Variants in COL5A1 observed in about 807,000 individuals in gnomAD.
The protein encoded by COL5A1 is collagen type V alpha 1 chain.
COL5A1 carries 16 observed loss-of-function variants against 263.7 expected under a neutral mutation model. The observed-to-expected ratio is 0.06, with a 90% confidence interval of 0.04 to 0.09. COL5A1 has a LOEUF of 0.09. Among genes scored for constraint, COL5A1 ranks in the 10% least tolerant of loss-of-function variants. COL5A1 has a pLI of 1.00. For missense variants in COL5A1, 2,036 were observed against 2,540.5 expected, an observed-to-expected ratio of 0.80 and a Z score of 4.27; for synonymous variants, 1,012 against 1,004.5, an observed-to-expected ratio of 1.01 and a Z score of -0.14.
intron 11 of COL5A1, among the ~76,000 whole-genome samples, chr9:134,746,086 C>T (rs1040833895): frequency 1.3e-5 from 2 of 152,190 alleles, no homozygotes; most frequent in African/African-American, 4.8e-5. Flanking sequence ...TGTTTCAGGA[C>T]CTGGATGTAC....
intron 1 of COL5A1, among the ~76,000 whole-genome samples, chr9:134,679,915 C>T (rs10458324): frequency 0.011 from 1,621 of 152,066 alleles, 9 homozygotes; most frequent in Middle Eastern, 0.037. Flanking sequence ...TGCCCAGGAC[C>T]ATGGGGCTTG....
rs1336672946 is a variant in COL5A1 at position 134,829,279 on chromosome 9, CAT to C, written c.5068-696_5068-695del. On this transcript the variant is annotated intron_variant, in intron 63 of 65. Coordinates refer to ENST00000371817, the MANE Select transcript of COL5A1 (RefSeq NM_000093.5). ...TGGAGGGCTGGGGCCAGGCTCCTCA[CAT>C]GGCCTCCAGTCTCTCCGAGGGCTGG... is the stretch of plus-strand genomic sequence containing the variant. 1.0e-3 allele frequency among the ~76,000 whole-genome samples: 154 copies of C among 150,360 alleles called. 1 individual carries two copies. Among genetic ancestry groups the C allele is most frequent in the African/African-American group, 3.5e-3 (143 of 40,698 alleles).
At chr9:134,690,882 G>A in intron 1 of COL5A1, 30 bp from the exon 2 acceptor site, 1 of 1,613,048 alleles carries the variant, frequency 6.2e-7, no homozygotes, top group Non-Finnish European at 8.5e-7. Flanking sequence ...CCTCTCCGTG[G>A]CTAACTCTGC....
intron 2 of COL5A1, among the ~76,000 whole-genome samples, chr9:134,697,989 C>G (rs1314721346): frequency 2.0e-5 from 3 of 152,094 alleles, no homozygotes; most frequent in Non-Finnish European, 4.4e-5. Context: ...GAGGCTGAGG[C>G]AAGAGAATTA....
intron 24 of COL5A1, 43 bp downstream of exon 24, chr9:134,767,397 A>G (rs1244310496): frequency 6.3e-7 from 1 of 1,597,276 alleles, no homozygotes; most frequent in African/African-American, 1.3e-5. Context: ...GCCCGCCTGC[A>G]GGTGGATTCC....
chr9:134,702,851 A>G (rs971675313), intron 4 of COL5A1, among the ~76,000 whole-genome samples: 7 of 152,140 alleles, frequency 4.6e-5, no homozygotes, highest in African/African-American at 1.7e-4. Context: ...GTAAAATGGG[A>G]TCACAGATGT....
In COL5A1 at chr9:134,699,924, A is replaced by G. The variant is rs1447874558; in HGVS notation, c.293A>G (p.Glu98Gly). 1 of 1,613,874 alleles carries G rather than the reference A, an allele frequency of 6.2e-7. No homozygotes were observed. Among genetic ancestry groups the G allele is most frequent in the East Asian group, 2.2e-5 (1 of 44,888 alleles). Reference protein sequence around the residue: ...KQLYPASAFPEDFSILTTVKA... With the variant: ...KQLYPASAFPGDFSILTTVKA... ...TCTGTTCCAGCGTCTGCATTTCCCGAGGACTTCTCCATCCTAACAACTGTG... is the reference window on the plus strand; with the variant it reads ...TCTGTTCCAGCGTCTGCATTTCCCGGGGACTTCTCCATCCTAACAACTGTG... The change falls in exon 3 of 66, where the codon GAG (glutamate) becomes GGG (glycine). Residue 98 changes from glutamate to glycine, a missense_variant. By Grantham distance (98) the Glu-to-Gly change is moderately conservative. Coordinates refer to ENST00000371817, the MANE Select transcript of COL5A1 (RefSeq NM_000093.5).
In COL5A1 at chr9:134,842,748, T is replaced by C; in HGVS notation, c.*445T>C. On this transcript the variant is annotated 3_prime_UTR_variant, in exon 66 of 66. Coordinates refer to ENST00000371817, the MANE Select transcript of COL5A1 (RefSeq NM_000093.5). The surrounding 1 kb of genome is among the most constrained non-coding windows in gnomAD (Gnocchi z 5.8). The stretch of plus-strand genomic sequence containing the variant: ...TTCAAAAAATGTTCCAAGGTAAGCC[T>C]CGTAAAGGTCATCCCACCATCACCA... The C allele has an allele frequency of 4.5e-6, 1 of 220,528 alleles. No individual in the cohort carries two copies. 13.7% of individuals were successfully genotyped at this position (220,528 alleles called of 1,614,324 possible). A position where few individuals can be genotyped will look rare whatever the true frequency, so the allele number is the denominator to read the frequency against.
At chr9:134,795,899 TC>T (rs1404303222) in intron 34 of COL5A1, among the ~76,000 whole-genome samples, 14 of 152,056 alleles carry the variant, frequency 9.2e-5, no homozygotes, top group Non-Finnish European at 5.9e-5. Flanking sequence ...AGCTGGCCCG[TC>T]CCTCGGCTGA....
In COL5A1 at chr9:134,794,151, C is replaced by A. The variant is rs1170981485; in HGVS notation, c.2701-931C>A. On this transcript the variant is annotated intron_variant, in intron 32 of 65. Coordinates refer to ENST00000371817, the MANE Select transcript of COL5A1 (RefSeq NM_000093.5). The surrounding 1 kb of genome is among the most constrained non-coding windows in gnomAD (Gnocchi z 4.3). ...GACCATCCTTGCCAACATGGTGAAA[C>A]CCTGTCTCTACTAAAATTAGCTGGG... 6.6e-6 allele frequency among the ~76,000 whole-genome samples: 1 copy of A among 152,066 alleles called. No individual in the cohort carries two copies. Among genetic ancestry groups the A allele is most frequent in the Non-Finnish European group, 1.5e-5 (1 of 68,016 alleles).
At chr9:134,676,560 C>T (rs149247700) in intron 1 of COL5A1, among the ~76,000 whole-genome samples, 1,103 of 92,990 alleles carry the variant, frequency 0.012, 15 homozygotes, top group African/African-American at 0.052. Flanking sequence ...CAGGTCAATG[C>T]ATGTGTACAT....
intron 63 of COL5A1, among the ~76,000 whole-genome samples, chr9:134,827,423 G>A (rs1839333587): frequency 6.6e-6 from 1 of 152,186 alleles, no homozygotes; most frequent in Non-Finnish European, 1.5e-5. Context: ...ACCCTGTTCA[G>A]AGAGAATCCA....
At chr9:134,753,794 CTGTGTT>C in intron 14 of COL5A1, 50 bp from the exon 15 acceptor site, 2 of 1,241,318 alleles carry the variant, frequency 1.6e-6, no homozygotes, top group Non-Finnish European at 2.4e-6. Context: ...CCAGCCCTTC[CTGTGTT>C]CTCGAGTCCC....
At chr9:134,685,408 ATTAAT>A (rs1564386382) in intron 1 of COL5A1, among the ~76,000 whole-genome samples, 3 of 73,684 alleles carry the variant, frequency 4.1e-5, no homozygotes, top group South Asian at 4.8e-4. Context: ...CCATCCATCC[ATTAAT>A]TCATCCATCC....
At chr9:134,744,201 T>C (rs1331592475) in intron 11 of COL5A1, among the ~76,000 whole-genome samples, 1 of 152,150 alleles carries the variant, frequency 6.6e-6, no homozygotes, top group Non-Finnish European at 1.5e-5. Context: ...GCCAATCCAG[T>C]CTCTCCTTGT....
At chr9:134,646,631 C>T (rs1831483429) in intron 1 of COL5A1, among the ~76,000 whole-genome samples, 1 of 152,206 alleles carries the variant, frequency 6.6e-6, no homozygotes, top group African/African-American at 2.4e-5. Flanking sequence ...CTTTCTCTGC[C>T]CCCGTTCCTC....
rs1832826789 is a variant in COL5A1, at chr9:134,680,675, T to A, written c.110-10237T>A. ...TGCACTGCACAACCCCAGGGAGCGC[T>A]GTTCTAATGCACCATGATGGGGTCT... On this transcript the variant is annotated intron_variant, in intron 1 of 65. Transcript: ENST00000371817. This position sits in a 1 kb window ranked among gnomAD's most constrained non-coding sequence, Gnocchi z 5.9. Among the ~76,000 whole-genome samples the A allele has an allele frequency of 6.6e-6, 1 of 152,206 alleles. No homozygotes were observed. The highest frequency in any genetic ancestry group is 6.5e-5 in the Admixed American group (1 of 15,290).
At chr9:134,722,862 C>T (rs1834512374) in intron 4 of COL5A1, among the ~76,000 whole-genome samples, 1 of 152,006 alleles carries the variant, frequency 6.6e-6, no homozygotes, top group Non-Finnish European at 1.5e-5. Flanking sequence ...GTGGGCAGCT[C>T]TGCTGGCCTC....
intron 18 of COL5A1, among the ~76,000 whole-genome samples, chr9:134,759,545 A>ACC (rs1836173020): frequency 8.2e-6 from 1 of 122,560 alleles, no homozygotes; most frequent in African/African-American, 3.6e-5. Flanking sequence ...ACACATGCGC[A>ACC]CACACACTCA....
Sources: gnomAD v4.1 joint callset for allele counts (sites outside exome capture counted in the v4.1 genomes callset) on GRCh38, gnomAD v4.1.1 for gene constraint, Gnocchi (gnomAD v3.1) non-coding constraint, MANE v1.5 for transcripts, NCBI Gene and HGNC (gene_info 2026-07-23, HGNC 2026-07-21) for gene names.